Variants in LMBRD1 observed in about 807,000 individuals in gnomAD.
The protein encoded by LMBRD1 is LMBR1 domain containing 1, also known as lysosomal cobalamin transport escort protein LMBD1.
A neutral mutation model predicts 74.8 loss-of-function variants in LMBRD1; 64 were observed. That is an observed-to-expected ratio of 0.86 (90% CI 0.70 to 1.05). The LOEUF (loss-of-function observed/expected upper bound fraction) is 1.05, where lower values mean the gene tolerates loss of function less well. Ranked by LOEUF, LMBRD1 falls within the 50% of genes least tolerant of loss-of-function variation. The pLI, the probability that LMBRD1 is intolerant of heterozygous loss-of-function variation, is 0.00. For missense variants in LMBRD1, 652 were observed against 645.9 expected (o/e 1.01, Z -0.10); for synonymous variants, 204 against 216.3 (o/e 0.94, Z 0.50).
rs763984011 is a variant in LMBRD1, at chr6:69,676,539, G to C, written c.1420C>G (p.Gln474Glu). ...AGGTATGTCCGGGTAACAGTACACT[G>C]ATCTGTGAAAGCAAATAAAAGACTA... ...KRCDADAPED[Q>E]CTVTRTYLFL... The change falls in exon 15 of 16, where the codon CAG becomes GAG. Residue 474 changes from glutamine to glutamate, a missense_variant and splice_region_variant. Gln to Glu is a conservative substitution (Grantham distance 29, BLOSUM62 2). Around this residue, in one of 3 missense-constraint regions of LMBRD1, gnomAD observed 598 missense variants for 581.8 expected, o/e 1.03. Coordinates refer to ENST00000649934, the MANE Select transcript of LMBRD1 (RefSeq NM_018368.4). 1.2e-5 allele frequency: 19 copies of C among 1,608,888 alleles called. 1 individual carries two copies. The highest frequency in any genetic ancestry group is 1.5e-5 in the Non-Finnish European group (18 of 1,175,550).
chr6:69,705,589 A>G, intron 9 of LMBRD1: 1 of 1,073,694 alleles, frequency 9.3e-7, no homozygotes, highest in South Asian at 1.3e-5. Context: ...TCTCATATAG[A>G]TTTCTTCACT....
intron 14 of LMBRD1, among the ~76,000 whole-genome samples, chr6:69,695,922 C>T (rs904004596): frequency 6.6e-6 from 1 of 151,048 alleles, no homozygotes; most frequent in Non-Finnish European, 1.5e-5. Context: ...CAGCTCACTG[C>T]AACTTCCACC....
At chr6:69,711,427 A>G (rs1766381522) in intron 9 of LMBRD1, among the ~76,000 whole-genome samples, 1 of 152,152 alleles carries the variant, frequency 6.6e-6, no homozygotes, top group Non-Finnish European at 1.5e-5. Context: ...TTGATTTGAA[A>G]ATCCTTCTAA....
intron 1 of LMBRD1, among the ~76,000 whole-genome samples, chr6:69,792,474 T>G (rs377475956): frequency 3.3e-4 from 51 of 152,332 alleles, no homozygotes; most frequent in African/African-American, 1.2e-3. Flanking sequence ...CCATCCAAGT[T>G]GCTGCATGTC....
intron 5 of LMBRD1, among the ~76,000 whole-genome samples, chr6:69,748,465 T>C (rs1308591345): frequency 6.6e-6 from 1 of 152,122 alleles, no homozygotes; most frequent in Non-Finnish European, 1.5e-5. Context: ...ACTGAAAATA[T>C]GACTTGACTA....
intron 2 of LMBRD1, among the ~76,000 whole-genome samples, chr6:69,781,069 A>C (rs1287679487): frequency 2.0e-5 from 3 of 152,182 alleles, no homozygotes; most frequent in Non-Finnish European, 4.4e-5. Flanking sequence ...AATAGTGATG[A>C]ATTTTATGCA....
At chr6:69,749,853 C>T (rs951145160) in intron 4 of LMBRD1, among the ~76,000 whole-genome samples, 1 of 146,194 alleles carries the variant, frequency 6.8e-6, no homozygotes, top group Non-Finnish European at 1.5e-5. Flanking sequence ...TATATACATA[C>T]TCATATATAC....
intron 7 of LMBRD1, among the ~76,000 whole-genome samples, chr6:69,736,509 C>T (rs1766981425): frequency 6.6e-6 from 1 of 152,192 alleles, no homozygotes. Flanking sequence ...CTTCAGTTGT[C>T]ATCCACAAAA....
At chr6:69,789,441 C>T (rs1209627518) in intron 2 of LMBRD1, among the ~76,000 whole-genome samples, 1 of 151,996 alleles carries the variant, frequency 6.6e-6, no homozygotes, top group Non-Finnish European at 1.5e-5. Flanking sequence ...GGACGAGAAT[C>T]GCTTGAACCC....
At chr6:69,770,562 T>G (rs1325898941) in intron 3 of LMBRD1, among the ~76,000 whole-genome samples, 1 of 152,200 alleles carries the variant, frequency 6.6e-6, no homozygotes, top group Non-Finnish European at 1.5e-5. Context: ...AACACGGAAG[T>G]ACACATTATT....
At chr6:69,679,663 A>C (rs1245961650) in intron 14 of LMBRD1, among the ~76,000 whole-genome samples, 1 of 152,170 alleles carries the variant, frequency 6.6e-6, no homozygotes, top group Non-Finnish European at 1.5e-5. Flanking sequence ...GCATAACTAA[A>C]ATGTCCAGCA....
rs896637138 is a variant in LMBRD1, at chr6:69,796,977, T to G, written c.-96A>C. ...CGAGATATACTGCACCCGCGCACCC[T>G]AAAGGTTAAAGGGGCGGAGGGGGAG... On this transcript the variant is annotated 5_prime_UTR_variant, in exon 1 of 16. Coordinates refer to ENST00000649934, the MANE Select transcript of LMBRD1 (RefSeq NM_018368.4). 2.9e-6 allele frequency: 3 copies of G among 1,024,430 alleles called. No homozygotes were observed. In the African/African-American group the frequency reaches 4.8e-5, roughly 16 times the overall value. 63.5% of individuals were successfully genotyped at this position (1,024,430 alleles called of 1,614,324 possible).
intron 2 of LMBRD1, among the ~76,000 whole-genome samples, 179 bp downstream of exon 2, chr6:69,790,117 A>T (rs1190353615): frequency 6.6e-6 from 1 of 152,222 alleles, no homozygotes; most frequent in Non-Finnish European, 1.5e-5. Flanking sequence ...AATAGTTCTT[A>T]TGTCAGTTGT....
rs1319555209 is a variant in LMBRD1 at position 69,674,827 on chromosome 6, G to A, written c.*1331C>T. On this transcript the variant is annotated 3_prime_UTR_variant, in exon 16 of 16. Transcript: ENST00000649934. ...ATCTCTGCTAAAAATACAAAAACTA[G>A]CCAGGCATGGTGGCACATGCCTGTA... is the stretch of plus-strand genomic sequence containing the variant. Among the ~76,000 whole-genome samples, 3 of 152,126 alleles carry A rather than the reference G, an allele frequency of 2.0e-5. No individual in the cohort carries two copies. The highest frequency in any genetic ancestry group is 4.4e-5 in the Non-Finnish European group (3 of 68,028).
intron 9 of LMBRD1, among the ~76,000 whole-genome samples, chr6:69,713,097 G>T (rs1005997158): frequency 6.6e-6 from 1 of 152,018 alleles, no homozygotes; most frequent in Admixed American, 6.6e-5. Flanking sequence ...TACACCAATA[G>T]AAAAGAATAG....
chr6:69,736,675 T>C (rs1384657471), intron 7 of LMBRD1, among the ~76,000 whole-genome samples: 3 of 152,212 alleles, frequency 2.0e-5, no homozygotes, highest in Admixed American at 6.5e-5. Context: ...CTTTTACAAA[T>C]AGTATCATTT....
At chr6:69,725,490 C>A (rs1435333021) in intron 7 of LMBRD1, among the ~76,000 whole-genome samples, 1 of 151,998 alleles carries the variant, frequency 6.6e-6, no homozygotes, top group Admixed American at 6.6e-5. Flanking sequence ...AATTCTATTA[C>A]AGAGCTATAG....
Position 69,796,841 on chromosome 6 carries a change from C to G in LMBRD1, c.41G>C (p.Gly14Ala), listed in dbSNP as rs201773048. The change falls in exon 1 of 16, where the codon GGC becomes GCC. Residue 14 changes from glycine (G) to alanine (A), a missense_variant. By Grantham distance (60) the Gly-to-Ala change is moderately conservative (BLOSUM62 0). This residue lies in a region of LMBRD1 where 598 missense variants were observed against 581.8 expected (regional missense o/e 1.03). Coordinates refer to ENST00000649934, the MANE Select transcript of LMBRD1 (RefSeq NM_018368.4). The part of the protein sequence containing the change: ...SGAASAELVI[G>A]WCIFGLLLLA... Reference sequence around the variant, plus strand: ...TAGTAAGAGGCCGAATATGCACCAGCCGATCACCAGCTCCGCCGAGGCCGC... The same window carrying G: ...TAGTAAGAGGCCGAATATGCACCAGGCGATCACCAGCTCCGCCGAGGCCGC... 3.5e-5 allele frequency: 56 copies of G among 1,614,100 alleles called. No homozygotes were observed. The East Asian group carries it at 1.2e-3, about 35-fold the overall frequency.
At chr6:69,676,398 A>T in intron 15 of LMBRD1, 52 bp downstream of exon 15, 20 of 1,583,352 alleles carry the variant, frequency 1.3e-5, no homozygotes, top group Non-Finnish European at 1.7e-5. Flanking sequence ...TTACACATTT[A>T]ACTATAATTT....
Sources: gnomAD v4.1 joint callset for allele counts (sites outside exome capture counted in the v4.1 genomes callset) on GRCh38, gnomAD v4.1.1 for gene constraint, gnomAD v4.1.1 regional missense constraint, MANE v1.5 for transcripts, NCBI Gene and HGNC (gene_info 2026-07-23, HGNC 2026-07-21) for gene names.